The following GALNT13 variants were observed in gnomAD, a reference collection of about 807,000 sequenced individuals.
GALNT13 encodes the protein UDP-GalNAc:polypeptide N-acetylgalactosaminyltransferase 13.
In GALNT13, 28 loss-of-function variants were observed where a neutral mutation model predicts 64.2. The observed-to-expected ratio is 0.44, with a 90% confidence interval of 0.32 to 0.60. The LOEUF (loss-of-function observed/expected upper bound fraction) is 0.60. GALNT13 is among the 20% of genes least tolerant of loss of function. GALNT13 has a pLI of 0.05. For missense variants in GALNT13, 577 were observed against 669.8 expected (o/e 0.86, Z 1.53); for synonymous variants, 214 against 224.6 (o/e 0.95, Z 0.42).
At chr2:153,591,878 G>T in the GALNT13 span, among the ~76,000 whole-genome samples, 2 of 152,010 alleles carry the variant, frequency 1.3e-5, no homozygotes, top group Non-Finnish European at 2.9e-5. Context: ...ATAATCAACA[G>T]GGTAAATAGA....
At chr2:153,565,717 G>A in the GALNT13 span, among the ~76,000 whole-genome samples, 4 of 152,132 alleles carry the variant, frequency 2.6e-5, no homozygotes, top group Non-Finnish European at 5.9e-5. Flanking sequence ...ATGTATTGAT[G>A]ACATTAAGTG....
the GALNT13 span, among the ~76,000 whole-genome samples, chr2:153,445,210 A>G: frequency 6.6e-6 from 1 of 152,164 alleles, no homozygotes; most frequent in Non-Finnish European, 1.5e-5. Flanking sequence ...TTGTCCATTA[A>G]AATAACTTTT....
chr2:154,067,233 C>A (rs1394733320), intron 3 of GALNT13, among the ~76,000 whole-genome samples: 1 of 151,728 alleles, frequency 6.6e-6, no homozygotes. Flanking sequence ...AGAAAGAAGA[C>A]CACAAAACCA....
At chr2:154,083,861 A>T (rs1184328386) in intron 3 of GALNT13, among the ~76,000 whole-genome samples, 1 of 151,874 alleles carries the variant, frequency 6.6e-6, no homozygotes, top group Non-Finnish European at 1.5e-5. Context: ...GGATGATATG[A>T]CAGACTTTAG....
the GALNT13 span, among the ~76,000 whole-genome samples, chr2:153,140,817 T>C: frequency 1.0e-3 from 154 of 152,214 alleles, no homozygotes; most frequent in Non-Finnish European, 1.7e-3. Flanking sequence ...ATAGCATTCA[T>C]TGAATACCTA....
At chr2:154,086,294 C>T (rs968630436) in intron 3 of GALNT13, among the ~76,000 whole-genome samples, 25 of 141,842 alleles carry the variant, frequency 1.8e-4, no homozygotes, top group South Asian at 6.5e-4. Context: ...CACTTACCTG[C>T]CCATGATATC....
the GALNT13 span, among the ~76,000 whole-genome samples, chr2:153,319,079 G>A: frequency 6.6e-6 from 1 of 152,238 alleles, no homozygotes; most frequent in African/African-American, 2.4e-5. Context: ...TCACAGGCAG[G>A]ATTTGAATCC....
chr2:153,605,521 TA>T, the GALNT13 span, among the ~76,000 whole-genome samples: 1 of 152,114 alleles, frequency 6.6e-6, no homozygotes, highest in Non-Finnish European at 1.5e-5. Context: ...GAAAGTTTTT[TA>T]GTAGAAATTT....
chr2:154,442,835 A>C (rs1006338795), intron 12 of GALNT13, among the ~76,000 whole-genome samples: 2 of 152,148 alleles, frequency 1.3e-5, no homozygotes, highest in African/African-American at 4.8e-5. Context: ...ACAAAGAAAA[A>C]AAGGGAGAAA....
chr2:154,010,863 G>A (rs1403236715), intron 3 of GALNT13, among the ~76,000 whole-genome samples: 2 of 151,328 alleles, frequency 1.3e-5, no homozygotes, highest in African/African-American at 2.4e-5. Flanking sequence ...ATCTTTTTTA[G>A]TTTGCATCTA....
At chr2:153,779,950 GT>G in the GALNT13 span, among the ~76,000 whole-genome samples, 1 of 151,836 alleles carries the variant, frequency 6.6e-6, no homozygotes, top group East Asian at 1.9e-4. Context: ...AACATGTGTG[GT>G]GAACGTAATG....
At chr2:153,107,528 C>A in the GALNT13 span, among the ~76,000 whole-genome samples, 1 of 152,024 alleles carries the variant, frequency 6.6e-6, no homozygotes, top group Non-Finnish European at 1.5e-5. Context: ...GTGCATATTT[C>A]AAGCAGCAGA....
chr2:153,360,066 C>G, the GALNT13 span, among the ~76,000 whole-genome samples: 1 of 152,112 alleles, frequency 6.6e-6, no homozygotes, highest in Non-Finnish European at 1.5e-5. Context: ...AAACAGTGGG[C>G]GAATCCTGCA....
the GALNT13 span, among the ~76,000 whole-genome samples, chr2:153,130,994 A>G: frequency 6.6e-6 from 1 of 152,176 alleles, no homozygotes; most frequent in Non-Finnish European, 1.5e-5. Context: ...TTCCACAAAC[A>G]TATGCCTGTA....
At chr2:153,302,825 G>A in the GALNT13 span, among the ~76,000 whole-genome samples, 1 of 151,986 alleles carries the variant, frequency 6.6e-6, no homozygotes, top group East Asian at 1.9e-4. Flanking sequence ...TGTGTTCTTG[G>A]TTCCTTTGTA....
chr2:153,884,505 A>G (rs568709850), intron 1 of GALNT13, among the ~76,000 whole-genome samples: 1 of 151,756 alleles, frequency 6.6e-6, no homozygotes, highest in Non-Finnish European at 1.5e-5. Context: ...TTGTCACTGA[A>G]CGTGATAGCA....
chr2:153,658,682 A>G, the GALNT13 span, among the ~76,000 whole-genome samples: 1 of 152,158 alleles, frequency 6.6e-6, no homozygotes, highest in Non-Finnish European at 1.5e-5. Context: ...AAAGACAGAT[A>G]CAAATTTAGC....
chr2:153,091,778 C>G, the GALNT13 span, among the ~76,000 whole-genome samples: 7 of 152,146 alleles, frequency 4.6e-5, no homozygotes, highest in Non-Finnish European at 1.0e-4. Context: ...AATAATTTCT[C>G]CCATTTTGTC....
chr2:153,757,108 A>G, the GALNT13 span, among the ~76,000 whole-genome samples: 1 of 152,278 alleles, frequency 6.6e-6, no homozygotes, highest in African/African-American at 2.4e-5. Flanking sequence ...TAACATAACC[A>G]TCACCTCAAA....
Sources: allele counts gnomAD v4.1 joint callset (sites outside exome capture counted in the v4.1 genomes callset), GRCh38; gene constraint gnomAD v4.1.1; transcripts MANE v1.5; gene names NCBI Gene and HGNC (gene_info 2026-07-23, HGNC 2026-07-21).